Variants in AGTPBP1 observed in about 807,000 individuals in gnomAD.
The protein encoded by AGTPBP1 is ATP/GTP binding carboxypeptidase 1.
A neutral mutation model predicts 143.9 loss-of-function variants in AGTPBP1; 70 were observed. That is an observed-to-expected ratio of 0.49 (90% CI 0.40 to 0.59). AGTPBP1 has a LOEUF of 0.59. Ranked by LOEUF, AGTPBP1 falls within the 20% of genes least tolerant of loss-of-function variation. The probability of loss-of-function intolerance (pLI) is 0.00; values close to 1 mark genes in which losing one functional copy is unlikely to be tolerated. For synonymous variants in AGTPBP1, 463 were observed against 500.2 expected, an observed-to-expected ratio of 0.93 and a Z score of 0.99; for missense variants, 1,229 against 1,464.5, an observed-to-expected ratio of 0.84 and a Z score of 2.62.
At chr9:85,795,314 T>C in the AGTPBP1 span, among the ~76,000 whole-genome samples, 1 of 152,216 alleles carries the variant, frequency 6.6e-6, no homozygotes, top group African/African-American at 2.4e-5. Context: ...TTCAATGCTA[T>C]ATACTGTATT....
chr9:85,627,031 A>C (rs1831344307), intron 14 of AGTPBP1, among the ~76,000 whole-genome samples: 1 of 152,164 alleles, frequency 6.6e-6, no homozygotes, highest in South Asian at 2.1e-4. Context: ...TTTTAATATG[A>C]CCAACAAGAA....
chr9:85,705,472 T>C (rs1277435370), intron 2 of AGTPBP1, among the ~76,000 whole-genome samples: 1 of 151,970 alleles, frequency 6.6e-6, no homozygotes, highest in African/African-American at 2.4e-5. Flanking sequence ...AAACCAACAG[T>C]TCCAGACCAG....
chr9:85,795,860 T>G, the AGTPBP1 span, among the ~76,000 whole-genome samples: 86 of 138,902 alleles, frequency 6.2e-4, no homozygotes, highest in African/African-American at 2.4e-3. Context: ...TTCTTAGTTT[T>G]TTTTTTTTTT....
chr9:85,689,871 G>A (rs565591743), intron 3 of AGTPBP1, among the ~76,000 whole-genome samples: 3 of 123,342 alleles, frequency 2.4e-5, no homozygotes, highest in South Asian at 2.6e-4. Context: ...CTACAGCCCG[G>A]GCAACAGAGT....
At chr9:85,770,531 G>A in the AGTPBP1 span, 1 of 1,057,694 alleles carries the variant, frequency 9.5e-7, no homozygotes, top group Non-Finnish European at 1.5e-6. Flanking sequence ...TATAAAGATG[G>A]GTCAAGATGC....
intron 25 of AGTPBP1, among the ~76,000 whole-genome samples, chr9:85,571,074 T>C (rs1283654837): frequency 6.6e-6 from 1 of 152,350 alleles, no homozygotes; most frequent in East Asian, 1.9e-4. Flanking sequence ...TCTGTCTTTA[T>C]TTGAGCATGC....
intron 12 of AGTPBP1, among the ~76,000 whole-genome samples, chr9:85,644,185 T>C (rs944567988): frequency 6.6e-6 from 1 of 151,798 alleles, no homozygotes; most frequent in East Asian, 1.9e-4. Context: ...TGATTTTATT[T>C]AAATGTTATC....
chr9:85,792,557 A>T, the AGTPBP1 span, among the ~76,000 whole-genome samples: 1 of 152,242 alleles, frequency 6.6e-6, no homozygotes, highest in South Asian at 2.1e-4. Context: ...ATGACTAGAA[A>T]GACACAGGCT....
chr9:85,643,407 A>G (rs1832620019), intron 12 of AGTPBP1, among the ~76,000 whole-genome samples: 1 of 152,214 alleles, frequency 6.6e-6, no homozygotes, highest in Non-Finnish European at 1.5e-5. Flanking sequence ...CGGAGAAGTT[A>G]AGCCATTTGC....
In AGTPBP1 at chr9:85,585,471, C is replaced by T; in HGVS notation, c.3157G>A (p.Gly1053Arg). The T allele has an allele frequency of 6.2e-7, 1 of 1,600,138 alleles. No individual in the cohort carries two copies. Among genetic ancestry groups the T allele is most frequent in the Non-Finnish European group, 8.5e-7 (1 of 1,174,386 alleles). Residue 1053 changes from glycine (G) to arginine (R), a missense_variant, in exon 23 of 26, where the codon GGA (glycine) becomes AGA (arginine). By Grantham distance (125) the Gly-to-Arg change is moderately radical. Coordinates refer to ENST00000357081, the MANE Select transcript of AGTPBP1 (RefSeq NM_001330701.2). ...TCATCTGTAATAATTACCCTGTATCCCGTATCCTCCACAACATCACATGAA... is the reference window on the plus strand; with the variant it reads ...TCATCTGTAATAATTACCCTGTATCTCGTATCCTCCACAACATCACATGAA... Reference protein sequence around the residue: ...ATSCDVVEDTGYRTLPKILSH... With the variant: ...ATSCDVVEDTRYRTLPKILSH...
chr9:85,708,439 A>C (rs1837156133), intron 2 of AGTPBP1, among the ~76,000 whole-genome samples: 1 of 152,246 alleles, frequency 6.6e-6, no homozygotes, highest in Admixed American at 6.5e-5. Context: ...TATTCAGCCT[A>C]CCATAGACAC....
chr9:85,748,933 A>C, the AGTPBP1 span, among the ~76,000 whole-genome samples: 1 of 151,094 alleles, frequency 6.6e-6, no homozygotes, highest in Admixed American at 6.6e-5. Context: ...TTCTTCAAAG[A>C]GTAGAAGTCT....
Position 85,661,796 on chromosome 9 carries a change from T to A in AGTPBP1, c.663-823A>T, listed in dbSNP as rs553596617. Reference sequence around the variant, plus strand: ...CACTTAATTTCAATAATTTTTAAAATGTAAGGCACATACTATGGTACCTCT... The same window carrying A: ...CACTTAATTTCAATAATTTTTAAAAAGTAAGGCACATACTATGGTACCTCT... On this transcript the variant is annotated intron_variant, in intron 8 of 25. Transcript: ENST00000357081. Among the ~76,000 whole-genome samples, 126 of 152,296 alleles carry A rather than the reference T, an allele frequency of 8.3e-4. 2 individuals carry two copies. In the South Asian group the frequency reaches 0.025, roughly 31 times the overall value.
At chr9:85,638,922 G>C (rs1478200050) in intron 13 of AGTPBP1, among the ~76,000 whole-genome samples, 1 of 151,882 alleles carries the variant, frequency 6.6e-6, no homozygotes, top group Non-Finnish European at 1.5e-5. Flanking sequence ...AAATCCATAA[G>C]GATAAAAGAG....
intron 2 of AGTPBP1, among the ~76,000 whole-genome samples, chr9:85,698,679 CTTTTTTTTTTTTTT>C (rs34248388): frequency 1.2e-4 from 9 of 76,568 alleles, no homozygotes; most frequent in South Asian, 1.3e-3. Context: ...CCACCTAACC[CTTTTTTTTTTTTTT>C]TTTTTTTTTT....
At chr9:85,644,715 C>T (rs1166975088) in intron 12 of AGTPBP1, among the ~76,000 whole-genome samples, 1 of 152,026 alleles carries the variant, frequency 6.6e-6, no homozygotes, top group Non-Finnish European at 1.5e-5. Context: ...TCTATAAATG[C>T]TCCAAACTCT....
chr9:85,789,756 G>T, the AGTPBP1 span, among the ~76,000 whole-genome samples: 2 of 152,104 alleles, frequency 1.3e-5, no homozygotes, highest in Non-Finnish European at 2.9e-5. Context: ...GCCTTGTTCA[G>T]TCTAGGCCAG....
At chr9:85,676,161 C>G (rs1381729559) in intron 6 of AGTPBP1, among the ~76,000 whole-genome samples, 1 of 152,002 alleles carries the variant, frequency 6.6e-6, no homozygotes, top group East Asian at 1.9e-4. Context: ...TTAGTAAGAC[C>G]TGGAAAGCAT....
chr9:85,691,661 T>A (rs1835887406), intron 3 of AGTPBP1, among the ~76,000 whole-genome samples: 1 of 152,014 alleles, frequency 6.6e-6, no homozygotes, highest in Non-Finnish European at 1.5e-5. Flanking sequence ...CAGATAATGT[T>A]ATAGTGATAT....
Sources: gnomAD v4.1 joint callset for allele counts (sites outside exome capture counted in the v4.1 genomes callset) on GRCh38, gnomAD v4.1.1 for gene constraint, MANE v1.5 for transcripts, NCBI Gene and HGNC (gene_info 2026-07-23, HGNC 2026-07-21) for gene names.